C1QTNF7: variants seen among roughly 807,000 people sequenced by gnomAD.
C1QTNF7 encodes complement C1q tumor necrosis factor-related protein 7.
Under a neutral mutation model 19.6 loss-of-function variants are expected in C1QTNF7, and 15 were observed. The ratio of observed to expected loss-of-function variants is 0.76; its 90% CI spans 0.51 to 1.18. The LOEUF is 1.18. C1QTNF7 is among the 50% of genes most tolerant of loss of function. C1QTNF7 has a pLI of 0.00. For missense variants in C1QTNF7, 324 were observed against 359.7 expected (o/e 0.90, Z 0.80); for synonymous variants, 142 against 137.5 (o/e 1.03, Z -0.23).
chr4:15,410,692 T>C (rs1719372882), intron 1 of C1QTNF7, among the ~76,000 whole-genome samples: 1 of 152,218 alleles, frequency 6.6e-6, no homozygotes, highest in Non-Finnish European at 1.5e-5. Context: ...CCTTCAGTTT[T>C]AGAGATATGA....
chr4:15,387,295 G>A (rs1718374949), intron 1 of C1QTNF7, among the ~76,000 whole-genome samples: 1 of 152,162 alleles, frequency 6.6e-6, no homozygotes, highest in Non-Finnish European at 1.5e-5. Context: ...AATCAGACAT[G>A]CATGTGGAGG....
intron 1 of C1QTNF7, among the ~76,000 whole-genome samples, chr4:15,377,364 C>A (rs1717979510): frequency 6.6e-6 from 1 of 152,168 alleles, no homozygotes; most frequent in African/African-American, 2.4e-5. Flanking sequence ...AACTTTCTAT[C>A]ATCTTTGATT....
intron 1 of C1QTNF7, among the ~76,000 whole-genome samples, chr4:15,400,312 G>A (rs1451238583): frequency 6.6e-6 from 1 of 152,218 alleles, no homozygotes; most frequent in Non-Finnish European, 1.5e-5. Context: ...GGCTCTTTGA[G>A]GGATATAGAT....
chr4:15,405,735 C>T (rs1297380427), intron 1 of C1QTNF7, among the ~76,000 whole-genome samples: 4 of 152,142 alleles, frequency 2.6e-5, no homozygotes, highest in Admixed American at 1.3e-4. Flanking sequence ...TGTCCCTCTC[C>T]GGCTTCCTTC....
intron 1 of C1QTNF7, among the ~76,000 whole-genome samples, chr4:15,347,432 C>A (rs1445988734): frequency 6.6e-6 from 1 of 152,186 alleles, no homozygotes; most frequent in East Asian, 1.9e-4. Flanking sequence ...GCCTTCCTGG[C>A]CTTCTCTCAG....
chr4:15,350,235 AAGGG>A (rs1242722397), intron 1 of C1QTNF7, among the ~76,000 whole-genome samples: 8 of 55,936 alleles, frequency 1.4e-4, no homozygotes, highest in South Asian at 7.1e-4. Flanking sequence ...AGGAGGAAAG[AAGGG>A]AGGGAGGGAG....
chr4:15,354,662 G>A (rs1717068030), intron 1 of C1QTNF7, among the ~76,000 whole-genome samples: 1 of 152,062 alleles, frequency 6.6e-6, no homozygotes, highest in Admixed American at 6.6e-5. Context: ...GAAATGTCAT[G>A]AGAACATTGA....
intron 1 of C1QTNF7, among the ~76,000 whole-genome samples, chr4:15,404,317 C>G (rs944627476): frequency 1.3e-5 from 2 of 152,262 alleles, no homozygotes; most frequent in African/African-American, 4.8e-5. Flanking sequence ...AAGACACAAG[C>G]AGTTTTGGAA....
At chr4:15,419,637 C>A (rs1218653419) in intron 1 of C1QTNF7, among the ~76,000 whole-genome samples, 3 of 152,044 alleles carry the variant, frequency 2.0e-5, no homozygotes, top group Non-Finnish European at 4.4e-5. Flanking sequence ...GTTTTCCTAC[C>A]TTTTCCTCCT....
At chr4:15,391,068 G>C (rs912520418) in intron 1 of C1QTNF7, among the ~76,000 whole-genome samples, 5 of 152,166 alleles carry the variant, frequency 3.3e-5, no homozygotes, top group Non-Finnish European at 7.4e-5. Context: ...CATAATTAAA[G>C]TCTGGGGGTA....
chr4:15,419,537 G>C (rs1039582476), intron 1 of C1QTNF7, among the ~76,000 whole-genome samples: 1 of 152,138 alleles, frequency 6.6e-6, no homozygotes, highest in African/African-American at 2.4e-5. Flanking sequence ...CATACACAGA[G>C]AGAACAAAAA....
At chr4:15,372,824 G>C (rs565259448) in intron 1 of C1QTNF7, among the ~76,000 whole-genome samples, 24 of 152,196 alleles carry the variant, frequency 1.6e-4, no homozygotes, top group African/African-American at 5.8e-4. Flanking sequence ...AAAATGGAAG[G>C]ACAATTTGAG....
chr4:15,388,089 G>A (rs1718408449), intron 1 of C1QTNF7, among the ~76,000 whole-genome samples: 1 of 152,224 alleles, frequency 6.6e-6, no homozygotes, highest in Non-Finnish European at 1.5e-5. Context: ...CTATGCAGTG[G>A]TGGGAGATTG....
intron 1 of C1QTNF7, among the ~76,000 whole-genome samples, chr4:15,369,517 A>G (rs1338997096): frequency 1.3e-5 from 2 of 152,234 alleles, no homozygotes; most frequent in Non-Finnish European, 2.9e-5. Context: ...TCCATCAGCT[A>G]CATCTGTTAT....
intron 2 of C1QTNF7, among the ~76,000 whole-genome samples, chr4:15,441,697 T>A (rs1349654006): frequency 2.0e-5 from 3 of 152,236 alleles, no homozygotes; most frequent in Admixed American, 2.0e-4. Context: ...AATTTTCTAT[T>A]TTTGTTGTTA....
chr4:15,445,536 A>T lies in C1QTNF7; in HGVS notation c.*2737A>T, dbSNP rs1219531108. 6.6e-6 allele frequency: 1 copy of T among 152,240 alleles called. No individual in the cohort carries two copies. The highest frequency in any genetic ancestry group is 1.5e-5 in the Non-Finnish European group (1 of 68,042). 9.4% of individuals were successfully genotyped at this position (152,240 alleles called of 1,614,324 possible). On this transcript the variant is annotated 3_prime_UTR_variant, in exon 3 of 3. Coordinates refer to ENST00000444304, the MANE Select transcript of C1QTNF7 (RefSeq NM_031911.5). ...TTCCTTTAATTGGTTTGAAGCCTAG[A>T]GATGAATTTCGTTTTCAAATATCTG...
In C1QTNF7 at chr4:15,353,511, G is replaced by A. The variant is rs185800879; in HGVS notation, c.13+13304G>A. On this transcript the variant is annotated intron_variant, in intron 1 of 2. Coordinates refer to the C1QTNF7 transcript ENST00000295297. ...TACAAATACCTCAAATAGAGCTTGT[G>A]TATCAGACCAAATCGGTCCAGGGAG... Among the ~76,000 whole-genome samples the A allele has an allele frequency of 2.4e-4, 37 of 152,292 alleles. No homozygotes were observed. The East Asian group carries it at 6.2e-3, about 25-fold the overall frequency.
intron 1 of C1QTNF7, among the ~76,000 whole-genome samples, chr4:15,393,300 T>C (rs1414586518): frequency 1.3e-5 from 2 of 152,192 alleles, no homozygotes; most frequent in Non-Finnish European, 1.5e-5. Context: ...ATCAGCAGCA[T>C]GAAAACAGAC....
chr4:15,365,191 T>C (rs1717471048), intron 1 of C1QTNF7, among the ~76,000 whole-genome samples: 1 of 152,118 alleles, frequency 6.6e-6, no homozygotes, highest in Admixed American at 6.5e-5. Flanking sequence ...TAAAATCTAG[T>C]ATATTTCAAG....
Sources: allele counts gnomAD v4.1 joint callset (sites outside exome capture counted in the v4.1 genomes callset), GRCh38; gene constraint gnomAD v4.1.1; transcripts MANE v1.5; gene names NCBI Gene and HGNC (gene_info 2026-07-23, HGNC 2026-07-21).